The following COPRS variants were observed in gnomAD, a reference collection of about 807,000 sequenced individuals.
The protein encoded by COPRS is cooperator of PRMT5.
Under a neutral mutation model 19.9 loss-of-function variants are expected in COPRS, and 11 were observed. That is an observed-to-expected ratio of 0.55 (90% CI 0.35 to 0.92). COPRS has a LOEUF of 0.92. Among genes scored for constraint, COPRS ranks in the 40% least tolerant of loss-of-function variants. The probability of loss-of-function intolerance (pLI) is 0.01; values close to 1 mark genes in which losing one functional copy is unlikely to be tolerated. For synonymous variants in COPRS, 81 were observed against 82.7 expected (o/e 0.98, Z 0.11); for missense variants, 225 against 229.9 (o/e 0.98, Z 0.14).
chr17:31,859,091 C>T lies in COPRS; in HGVS notation c.99+10G>A. The T allele has an allele frequency of 8.9e-7, 1 of 1,120,414 alleles. No individual in the cohort carries two copies. 69.4% of individuals were successfully genotyped at this position (1,120,414 alleles called of 1,614,324 possible). Reference sequence around the variant, plus strand: ...CTGGCTGTTGCTCCTGGCCCCCACGCGGCGCTCACCTCCGGGCTGGGGGGC... The same window carrying T: ...CTGGCTGTTGCTCCTGGCCCCCACGTGGCGCTCACCTCCGGGCTGGGGGGC... On this transcript the variant is annotated intron_variant, in intron 1 of 3. Coordinates refer to ENST00000302362, the MANE Select transcript of COPRS (RefSeq NM_018405.4).
At chr17:31,853,844 T>C (rs949582036) in intron 2 of COPRS, among the ~76,000 whole-genome samples, 2 of 152,080 alleles carry the variant, frequency 1.3e-5, no homozygotes, top group Non-Finnish European at 2.9e-5. Context: ...GGAAGGTACA[T>C]TTTCAAAAGG....
At chr17:31,853,971 A>T (rs1909244891) in intron 2 of COPRS, among the ~76,000 whole-genome samples, 1 of 152,234 alleles carries the variant, frequency 6.6e-6, no homozygotes, top group East Asian at 1.9e-4. Context: ...CATGCTCTTA[A>T]TACTGGAACA....
intron 2 of COPRS, among the ~76,000 whole-genome samples, chr17:31,855,063 G>A (rs746088636): frequency 5.3e-5 from 8 of 152,120 alleles, no homozygotes; most frequent in Non-Finnish European, 4.4e-5. Flanking sequence ...AATGAAGATA[G>A]GGTTGTTGTG....
intron 1 of COPRS, among the ~76,000 whole-genome samples, chr17:31,857,622 C>G (rs1909402684): frequency 6.6e-6 from 1 of 152,178 alleles, no homozygotes; most frequent in Non-Finnish European, 1.5e-5. Flanking sequence ...AGACCTCTTT[C>G]TAATGAATCA....
rs1302022204 is a variant in COPRS, at chr17:31,852,963, T to C, written c.234A>G (p.Glu78=). 1 of 1,614,038 alleles carries C rather than the reference T, an allele frequency of 6.2e-7. No homozygotes were observed. The highest frequency in any genetic ancestry group is 1.3e-5 in the African/African-American group (1 of 74,940). Residue 78 remains glutamate (E), a synonymous_variant, in exon 3 of 4, where the codon GAA becomes GAG. Coordinates refer to ENST00000302362, the MANE Select transcript of COPRS (RefSeq NM_018405.4). ...AGTCCTCCTCATCCATGGCAAAGCC[T>C]TCCTCTTCAGAATGGGTGCCCTCAC... ...ARGEGTHSEE[E]GFAMDEEDSD... is the part of the protein sequence containing the mutation.
intron 2 of COPRS, among the ~76,000 whole-genome samples, chr17:31,854,188 G>A (rs1173460716): frequency 6.6e-6 from 1 of 151,692 alleles, no homozygotes; most frequent in South Asian, 2.1e-4. Flanking sequence ...GAACAATGTC[G>A]CAAACCCTGT....
At chr17:31,853,634 C>G (rs1181389547) in intron 2 of COPRS, among the ~76,000 whole-genome samples, 1 of 152,192 alleles carries the variant, frequency 6.6e-6, no homozygotes, top group Non-Finnish European at 1.5e-5. Context: ...CCCGCCTCGG[C>G]CTCCCAAAGT....
chr17:31,858,967 C>A (rs1909449146), intron 1 of COPRS, 134 bp downstream of exon 1: 1 of 1,376,866 alleles, frequency 7.3e-7, no homozygotes, highest in Non-Finnish European at 9.3e-7. Context: ...CCAAACAGCG[C>A]TCCGTGTCGC....
rs1909463027 is a variant in COPRS, at chr17:31,859,226, T to C, written c.-27A>G. 24 of 965,940 alleles carry C rather than the reference T, an allele frequency of 2.5e-5. No individual in the cohort carries two copies. Among genetic ancestry groups the C allele is most frequent in the Non-Finnish European group, 2.9e-5 (23 of 798,062 alleles). 59.8% of individuals were successfully genotyped at this position (965,940 alleles called of 1,614,324 possible). A position where few individuals can be genotyped will look rare whatever the true frequency, so the allele number is the denominator to read the frequency against. The stretch of plus-strand genomic sequence containing the variant: ...CCCTGCGGCCCGCGGCTGGTCGCCC[T>C]GGACGCCGTGGGCCACGTGACGCGC... On this transcript the variant is annotated 5_prime_UTR_variant, in exon 1 of 4. Coordinates refer to ENST00000302362, the MANE Select transcript of COPRS (RefSeq NM_018405.4).
rs912501011 is a variant in COPRS at position 31,859,008 on chromosome 17, CCCCGGCCCCGCGGCCCCCGCCCAG to C, written c.99+69_99+92del. On this transcript the variant is annotated intron_variant, in intron 1 of 3. Coordinates refer to ENST00000302362, the MANE Select transcript of COPRS (RefSeq NM_018405.4). ...GGCCCGAGGCCGGCCAGAGGCGCTT[CCCCGGCCCCGCGGCCCCCGCCCAG>C]CCCGGCCCCGCGACTTCCCGCCCCA... is the stretch of plus-strand genomic sequence containing the variant. 170 of 1,224,918 alleles carry C rather than the reference CCCCGGCCCCGCGGCCCCCGCCCAG, an allele frequency of 1.4e-4. 3 individuals are homozygous for C. Among genetic ancestry groups the C allele is most frequent in the Admixed American group, 2.7e-4 (6 of 22,070 alleles). The allele number at this position is 1,224,918 out of a possible 1,614,324, so 75.9% of individuals were successfully genotyped here. A position where few individuals can be genotyped will look rare whatever the true frequency, so the allele number is the denominator to read the frequency against.
chr17:31,859,046 CT>C, intron 1 of COPRS, 54 bp downstream of exon 1: 6 of 1,162,080 alleles, frequency 5.2e-6, no homozygotes, highest in Non-Finnish European at 6.3e-6. Flanking sequence ...GGCCCCGCGA[CT>C]TCCCGCCCCA....
intron 2 of COPRS, among the ~76,000 whole-genome samples, chr17:31,856,328 C>T (rs1047690625): frequency 4.6e-5 from 7 of 151,096 alleles, no homozygotes; most frequent in African/African-American, 7.3e-5. Context: ...AGCGAGACTC[C>T]GTTTCAAAAA....
At chr17:31,855,672 T>G (rs1598085619) in intron 2 of COPRS, among the ~76,000 whole-genome samples, 4 of 129,320 alleles carry the variant, frequency 3.1e-5, no homozygotes, top group Non-Finnish European at 3.3e-5. Flanking sequence ...GGTGACAGAG[T>G]GAGACTCCAT....
chr17:31,859,195 T>G lies in COPRS; in HGVS notation c.5A>C (p.Asp2Ala). 1 of 1,051,752 alleles carries G rather than the reference T, an allele frequency of 9.5e-7. No homozygotes were observed. The highest frequency in any genetic ancestry group is 1.1e-6 in the Non-Finnish European group (1 of 872,490). The allele number at this position is 1,051,752 out of a possible 1,614,324, so 65.2% of individuals were successfully genotyped here. Residue 2 changes from aspartate (D) to alanine (A), a missense_variant, in exon 1 of 4, where the codon GAC becomes GCC. Asp to Ala is a moderately radical substitution (Grantham distance 126, BLOSUM62 -2). Around this residue, in one of 3 missense-constraint regions of COPRS, gnomAD observed 51 missense variants for 39.2 expected, o/e 1.30. Coordinates refer to ENST00000302362, the MANE Select transcript of COPRS (RefSeq NM_018405.4). Reference protein sequence around the residue: MDLQAAGAQAQG... With the variant: MALQAAGAQAQG... ...CGCCTGGGCCCCGGCGGCCTGAAGG[T>G]CCATGCCCTGCGGCCCGCGGCTGGT...
In COPRS at chr17:31,852,225, G is replaced by C. The variant is rs967521364; in HGVS notation, c.469C>G (p.Pro157Ala). 4 of 1,613,992 alleles carry C rather than the reference G, an allele frequency of 2.5e-6. No homozygotes were observed. The African/African-American group carries it at 4.0e-5, about 16-fold the overall frequency. Residue 157 changes from proline to alanine, a missense_variant, in exon 4 of 4, where the codon CCC (proline) becomes GCC (alanine). Around this residue, in one of 3 missense-constraint regions of COPRS, gnomAD observed 170 missense variants for 171.4 expected, o/e 0.99. Transcript: ENST00000302362. Reference protein sequence around the residue: ...CAPQGDMIYDPSWHHPPPLIP... With the variant: ...CAPQGDMIYDASWHHPPPLIP... ...AGTGGAGGCGGATGGTGCCAGCTGG[G>C]GTCATAGATCATGTCTCCTTGTGGG...
At chr17:31,857,533 C>T (rs1909399260) in intron 1 of COPRS, among the ~76,000 whole-genome samples, 1 of 152,196 alleles carries the variant, frequency 6.6e-6, no homozygotes, top group African/African-American at 2.4e-5. Context: ...TCTAATCTAA[C>T]TGAAAATCTT....
Position 31,852,101 on chromosome 17 carries a change from T to C in COPRS, c.*38A>G. ...CAAGACAGGAAAAGAGATCTTGACG[T>C]GGAGGCCCGCCCACCTACAAGGCAG... On this transcript the variant is annotated 3_prime_UTR_variant, in exon 4 of 4. Coordinates refer to ENST00000302362, the MANE Select transcript of COPRS (RefSeq NM_018405.4). 6.2e-7 allele frequency: 1 copy of C among 1,612,038 alleles called. No homozygotes were observed.
intron 2 of COPRS, among the ~76,000 whole-genome samples, chr17:31,853,991 G>C (rs1313136348): frequency 6.6e-6 from 1 of 152,212 alleles, no homozygotes; most frequent in Non-Finnish European, 1.5e-5. Flanking sequence ...AACAGTAACA[G>C]TGATAAGCAA....
rs539560260 is a variant in COPRS at position 31,853,676 on chromosome 17, G to A, written c.167-646C>T. ...ATTACAGGCGTAAGCCACTGTGCCC[G>A]GTTGTTTTTGCTCTTTTATTCCTCC... On this transcript the variant is annotated intron_variant, in intron 2 of 3. Transcript: ENST00000302362. 2.0e-4 allele frequency among the ~76,000 whole-genome samples: 31 copies of A among 152,250 alleles called. 1 individual carries two copies. In the South Asian group the frequency reaches 5.6e-3, roughly 27 times the overall value.
Sources: allele counts gnomAD v4.1 joint callset (sites outside exome capture counted in the v4.1 genomes callset), GRCh38; gene constraint gnomAD v4.1.1; regional missense constraint gnomAD v4.1.1; transcripts MANE v1.5; gene names NCBI Gene and HGNC (gene_info 2026-07-23, HGNC 2026-07-21).